Variants in GPC3 observed in about 807,000 individuals in gnomAD.
GPC3 encodes glypican-3.
A neutral mutation model predicts 34.4 loss-of-function variants in GPC3; 3 were observed. That is an observed-to-expected ratio of 0.09 (90% confidence interval 0.04 to 0.23). The LOEUF is 0.23. Among genes scored for constraint, GPC3 ranks in the 10% least tolerant of loss-of-function variants. GPC3 has a pLI of 1.00. For missense variants in GPC3, 351 were observed against 445.6 expected (o/e 0.79, Z 1.91); for synonymous variants, 177 against 174.0 (o/e 1.02, Z -0.13).
At chrX:133,961,255 C>T (rs1487987891) in intron 1 of GPC3, among the ~76,000 whole-genome samples, 1 of 111,300 alleles carries the variant, frequency 9.0e-6, no homozygotes, top group Non-Finnish European at 1.9e-5. Flanking sequence ...AATCAAAGAC[C>T]GTGCCTGGGG....
intron 7 of GPC3, among the ~76,000 whole-genome samples, chrX:133,558,938 A>T (rs1323343957): frequency 2.7e-5 from 3 of 109,862 alleles, no homozygotes; most frequent in Non-Finnish European, 5.7e-5. Context: ...TAAATAAATA[A>T]ATAAAAATAA....
intron 2 of GPC3, among the ~76,000 whole-genome samples, chrX:133,841,783 C>T (rs1388031037): frequency 2.7e-5 from 3 of 111,366 alleles, no homozygotes; most frequent in Admixed American, 9.5e-5. Context: ...AAGGCAGATC[C>T]GTCTTTAATC....
chrX:133,598,751 GT>G (rs1221667331), intron 6 of GPC3, among the ~76,000 whole-genome samples: 1 of 111,848 alleles, frequency 8.9e-6, no homozygotes, highest in Non-Finnish European at 1.9e-5. Context: ...CCATTGGTAT[GT>G]TTTGAACTTT....
intron 2 of GPC3, among the ~76,000 whole-genome samples, chrX:133,867,211 T>C (rs983844210): frequency 1.8e-5 from 2 of 108,282 alleles, no homozygotes; most frequent in South Asian, 4.1e-4. Context: ...AAAAAAAAAA[T>C]TGTTTATTCT....
At chrX:133,663,804 C>T (rs2070746837) in intron 5 of GPC3, among the ~76,000 whole-genome samples, 1 of 111,562 alleles carries the variant, frequency 9.0e-6, no homozygotes, top group East Asian at 2.8e-4. Context: ...ACCTGGCATA[C>T]TAAAGTGTTA....
intron 2 of GPC3, among the ~76,000 whole-genome samples, chrX:133,788,336 T>C (rs1344598733): frequency 9.3e-6 from 1 of 107,709 alleles, no homozygotes; most frequent in East Asian, 3.0e-4. Flanking sequence ...TAAAGAGCTA[T>C]TTGTGGGATC....
intron 2 of GPC3, among the ~76,000 whole-genome samples, chrX:133,936,521 C>T (rs145817223): frequency 0.026 from 2,922 of 111,349 alleles, 41 homozygotes; most frequent in Non-Finnish European, 0.043. Context: ...GTGCTAACAA[C>T]GGCTTGTGAA....
At chrX:133,789,781 C>A (rs2072141807) in intron 2 of GPC3, among the ~76,000 whole-genome samples, 1 of 112,552 alleles carries the variant, frequency 8.9e-6, no homozygotes, top group African/African-American at 3.2e-5. Context: ...AAACTCCTCA[C>A]AAATGGATCA....
At chrX:133,877,504 T>C (rs936326135) in intron 2 of GPC3, among the ~76,000 whole-genome samples, 20 of 112,205 alleles carry the variant, frequency 1.8e-4, no homozygotes, top group African/African-American at 6.1e-4. Flanking sequence ...CTTCTCAAAG[T>C]GCAATTTGGA....
At chrX:133,763,749 A>C in intron 2 of GPC3, 3 of 349,931 alleles carry the variant, frequency 8.6e-6, no homozygotes, top group East Asian at 5.2e-5. Context: ...CATCAGTTTC[A>C]AAAAAAAAAG....
At chrX:133,613,165 T>C (rs896863440) in intron 6 of GPC3, among the ~76,000 whole-genome samples, 1 of 112,270 alleles carries the variant, frequency 8.9e-6, no homozygotes, top group Admixed American at 9.5e-5. Flanking sequence ...TGAATACAAA[T>C]GAACTTCTCC....
chrX:133,612,488 AG>A (rs2070121932), intron 6 of GPC3, among the ~76,000 whole-genome samples: 1 of 112,068 alleles, frequency 8.9e-6, no homozygotes. Flanking sequence ...TCTAGCTGAC[AG>A]GGAAACAAAG....
chrX:133,693,110 T>G (rs761645236), intron 4 of GPC3, among the ~76,000 whole-genome samples: 7 of 110,483 alleles, frequency 6.3e-5, no homozygotes, highest in Non-Finnish European at 9.5e-5. Flanking sequence ...TCTAGTATAT[T>G]TTATTATTTA....
chrX:133,910,944 G>A lies in GPC3; in HGVS notation c.337+42106C>T, dbSNP rs562315230. Among the ~76,000 whole-genome samples, 51 of 111,608 alleles carry A rather than the reference G, an allele frequency of 4.6e-4. No homozygotes were observed. The South Asian group carries it at 0.018, about 39-fold the overall frequency. ...GTCCTCCATGATCTGTGTCCAGATG[G>A]AGTGATGCTTCCAAGCGACCCTGTG... On this transcript the variant is annotated intron_variant, in intron 2 of 7. Transcript: ENST00000370818.
intron 5 of GPC3, among the ~76,000 whole-genome samples, chrX:133,686,374 G>A (rs1057454559): frequency 9.0e-6 from 1 of 111,643 alleles, no homozygotes; most frequent in African/African-American, 3.3e-5. Context: ...GTTGCTCAGA[G>A]TTTATATAAA....
At chrX:133,641,841 G>C (rs908875426) in intron 6 of GPC3, among the ~76,000 whole-genome samples, 2 of 112,383 alleles carry the variant, frequency 1.8e-5, no homozygotes, top group African/African-American at 6.5e-5. Context: ...TGAAATAAAG[G>C]TTATTTTCTC....
At chrX:133,676,084 C>T (rs1205206346) in intron 5 of GPC3, among the ~76,000 whole-genome samples, 1 of 112,240 alleles carries the variant, frequency 8.9e-6, no homozygotes, top group Non-Finnish European at 1.9e-5. Context: ...GCCATCTATA[C>T]AGCCACACCA....
intron 2 of GPC3, among the ~76,000 whole-genome samples, chrX:133,932,765 T>C (rs1426453241): frequency 9.0e-6 from 1 of 110,976 alleles, no homozygotes; most frequent in Non-Finnish European, 1.9e-5. Context: ...AAGTCACATA[T>C]ACAAAAAAAT....
chrX:133,629,388 TTTTGTTTGTTTG>T (rs376115590), intron 6 of GPC3, among the ~76,000 whole-genome samples: 1 of 110,485 alleles, frequency 9.1e-6, no homozygotes, highest in Admixed American at 9.6e-5. Flanking sequence ...TATGATTCTT[TTTTGTTTGTTTG>T]TTTGTTTGTT....
Sources: allele counts gnomAD v4.1 joint callset (sites outside exome capture counted in the v4.1 genomes callset), GRCh38; gene constraint gnomAD v4.1.1; transcripts MANE v1.5; gene names NCBI Gene and HGNC (gene_info 2026-07-23, HGNC 2026-07-21).